Variants in NALF1 observed in about 807,000 individuals in gnomAD.
NALF1 encodes the protein NALCN channel auxiliary factor 1, also known as family with sequence similarity 155 member A.
Under a neutral mutation model 48.4 loss-of-function variants are expected in NALF1, and 3 were observed. That is an observed-to-expected ratio of 0.06 (90% CI 0.03 to 0.16). NALF1 has a LOEUF of 0.16. NALF1 is among the 10% of genes least tolerant of loss of function. NALF1 has a pLI of 1.00. For missense variants in NALF1, 526 were observed against 571.5 expected (o/e 0.92, Z 0.81); for synonymous variants, 262 against 245.7 (o/e 1.07, Z -0.62).
At chr13:107,537,189 C>G (rs528502835) in intron 1 of NALF1, among the ~76,000 whole-genome samples, 2 of 151,976 alleles carry the variant, frequency 1.3e-5, no homozygotes, top group African/African-American at 4.8e-5. Flanking sequence ...TGTAACAAAC[C>G]TGCACATTGT....
intron 1 of NALF1, among the ~76,000 whole-genome samples, chr13:107,375,069 T>C (rs9559030): frequency 0.48 from 73,249 of 152,086 alleles, 18,551 homozygotes; most frequent in East Asian, 0.75. Flanking sequence ...CCTAGTTTTA[T>C]AGAAAAAGAA....
At chr13:107,195,500 T>C (rs928516903) in intron 2 of NALF1, among the ~76,000 whole-genome samples, 1 of 152,178 alleles carries the variant, frequency 6.6e-6, no homozygotes, top group Non-Finnish European at 1.5e-5. Flanking sequence ...TTCACGTCTG[T>C]AAGTTTGTGA....
chr13:107,395,302 G>C (rs118145137), intron 1 of NALF1, among the ~76,000 whole-genome samples: 184 of 152,136 alleles, frequency 1.2e-3, no homozygotes, highest in Non-Finnish European at 2.4e-3. Flanking sequence ...AATTGATTAT[G>C]TTCACTAGGT....
chr13:107,176,751 A>G lies in NALF1; in HGVS notation c.1088-5965T>C, dbSNP rs187903869. 3.2e-4 allele frequency among the ~76,000 whole-genome samples: 48 copies of G among 152,300 alleles called. No homozygotes were observed. The East Asian group carries it at 6.8e-3, about 21-fold the overall frequency. On this transcript the variant is annotated intron_variant, in intron 2 of 2. Transcript: ENST00000375915. ...TTACTCATGTTGTAAGTAGAGATAA[A>G]TACTAAAATCAGAATTCATTATCAG...
intron 1 of NALF1, among the ~76,000 whole-genome samples, chr13:107,337,489 C>T (rs1168435814): frequency 1.3e-5 from 2 of 151,978 alleles, no homozygotes; most frequent in Non-Finnish European, 2.9e-5. Flanking sequence ...TGAGGCTTGT[C>T]GAAATGTAAT....
At chr13:107,671,902 A>G (rs1881000127) in intron 1 of NALF1, among the ~76,000 whole-genome samples, 1 of 152,114 alleles carries the variant, frequency 6.6e-6, no homozygotes, top group Non-Finnish European at 1.5e-5. Context: ...GGTGTTTTTT[A>G]CTGTAATTTC....
At chr13:107,664,032 C>T (rs1880796475) in intron 1 of NALF1, among the ~76,000 whole-genome samples, 1 of 152,134 alleles carries the variant, frequency 6.6e-6, no homozygotes, top group Non-Finnish European at 1.5e-5. Context: ...CCACCATAGT[C>T]CAAGCCCATA....
At chr13:107,861,193 C>A (rs888213835) in intron 1 of NALF1, among the ~76,000 whole-genome samples, 1 of 152,092 alleles carries the variant, frequency 6.6e-6, no homozygotes, top group Non-Finnish European at 1.5e-5. Context: ...TCTTCAACCT[C>A]ATAAATAGCT....
In NALF1 at chr13:107,440,845, A is replaced by C. The variant is rs1025910090; in HGVS notation, c.916-230090T>G. Among the ~76,000 whole-genome samples the C allele has an allele frequency of 3.9e-5, 6 of 152,252 alleles. No individual in the cohort carries two copies. The East Asian group carries it at 1.2e-3, about 29-fold the overall frequency. On this transcript the variant is annotated intron_variant, in intron 1 of 2. Transcript: ENST00000375915. ...GTTGTTGTCCAAGGAGCTCCTTCAGAGATGGCCTTAATCTAAGTTTATGGC... is the reference window on the plus strand; with the variant it reads ...GTTGTTGTCCAAGGAGCTCCTTCAGCGATGGCCTTAATCTAAGTTTATGGC...
intron 1 of NALF1, among the ~76,000 whole-genome samples, chr13:107,828,606 T>TATCTATACAC (rs1426891111): frequency 3.8e-5 from 4 of 103,916 alleles, no homozygotes; most frequent in Admixed American, 1.0e-4. Flanking sequence ...TCTATATCTA[T>TATCTATACAC]ACACACACAC....
At chr13:107,534,340 T>C (rs139887788) in intron 1 of NALF1, among the ~76,000 whole-genome samples, 6 of 152,264 alleles carry the variant, frequency 3.9e-5, no homozygotes, top group South Asian at 2.1e-4. Context: ...TTTTGATGCA[T>C]ATTAACATTT....
chr13:107,263,385 C>G (rs565221448), intron 1 of NALF1, among the ~76,000 whole-genome samples: 55 of 152,064 alleles, frequency 3.6e-4, no homozygotes, highest in African/African-American at 1.3e-3. Context: ...TCTGAGCATG[C>G]AGGTGACCAC....
intron 1 of NALF1, among the ~76,000 whole-genome samples, chr13:107,634,665 T>C (rs1879926511): frequency 6.6e-6 from 1 of 151,950 alleles, no homozygotes; most frequent in Non-Finnish European, 1.5e-5. Flanking sequence ...GGTAGTGGGT[T>C]TTTTCCACAT....
chr13:107,822,893 C>T (rs1879398732), intron 1 of NALF1, among the ~76,000 whole-genome samples: 1 of 152,124 alleles, frequency 6.6e-6, no homozygotes, highest in African/African-American at 2.4e-5. Context: ...ACCAAAAATT[C>T]ATGGGGTGTG....
At chr13:107,655,877 T>C (rs1386676485) in intron 1 of NALF1, among the ~76,000 whole-genome samples, 1 of 152,020 alleles carries the variant, frequency 6.6e-6, no homozygotes, top group Non-Finnish European at 1.5e-5. Flanking sequence ...CCAACCAATC[T>C]TCCACAAAGC....
intron 1 of NALF1, among the ~76,000 whole-genome samples, chr13:107,767,749 T>C (rs1356500621): frequency 2.0e-5 from 3 of 152,252 alleles, no homozygotes; most frequent in Non-Finnish European, 2.9e-5. Context: ...TTATGGTCCA[T>C]TATTTTTTAA....
chr13:107,389,069 T>C (rs1305450826), intron 1 of NALF1, among the ~76,000 whole-genome samples: 2 of 152,164 alleles, frequency 1.3e-5, no homozygotes, highest in East Asian at 1.9e-4. Flanking sequence ...CTTCCGGTGG[T>C]ACCTGTGCTT....
At chr13:107,446,244 C>A (rs1884648696) in intron 1 of NALF1, among the ~76,000 whole-genome samples, 1 of 152,098 alleles carries the variant, frequency 6.6e-6, no homozygotes, top group African/African-American at 2.4e-5. Context: ...GCTCACATTG[C>A]TTTCTATAGT....
intron 1 of NALF1, among the ~76,000 whole-genome samples, chr13:107,745,238 CAGA>C (rs1452994819): frequency 6.6e-6 from 1 of 152,144 alleles, no homozygotes; most frequent in Non-Finnish European, 1.5e-5. Flanking sequence ...GAAAGTGACA[CAGA>C]AGAAGAATGA....
Sources: allele counts gnomAD v4.1 joint callset (sites outside exome capture counted in the v4.1 genomes callset), GRCh38; gene constraint gnomAD v4.1.1; transcripts MANE v1.5; gene names NCBI Gene and HGNC (gene_info 2026-07-23, HGNC 2026-07-21).